The following PRODH2 variants were observed in gnomAD, a reference collection of about 807,000 sequenced individuals.
The protein encoded by PRODH2 is hydroxyproline dehydrogenase.
PRODH2 carries 49 observed loss-of-function variants against 51.9 expected under a neutral mutation model. The observed-to-expected ratio is 0.94, with a 90% CI of 0.75 to 1.20. The LOEUF (loss-of-function observed/expected upper bound fraction) is 1.20, where lower values mean the gene tolerates loss of function less well. Among genes scored for constraint, PRODH2 ranks in the 50% most tolerant of loss-of-function variants. PRODH2 has a pLI of 0.00. For synonymous variants in PRODH2, 249 were observed against 260.7 expected, an observed-to-expected ratio of 0.96 and a Z score of 0.43; for missense variants, 597 against 610.9, an observed-to-expected ratio of 0.98 and a Z score of 0.24.
In PRODH2 at chr19:35,812,690, C is replaced by A. The variant is rs776183593; in HGVS notation, c.116G>T (p.Arg39Leu). Reference sequence around the variant, plus strand: ...ACACAGCCGGAGAACCAGCAAGGCCCGTGTCAGCTCTCCTGTGCCCTTAAG... The same window carrying A: ...ACACAGCCGGAGAACCAGCAAGGCCAGTGTCAGCTCTCCTGTGCCCTTAAG... ...FHLKGTGELT[R>L]ALLVLRLCAW... is the part of the protein sequence containing the mutation. Residue 39 changes from arginine (R) to leucine (L), a missense_variant, in exon 1 of 10, where the codon CGG (arginine) becomes CTG (leucine). Arg to Leu is a moderately radical substitution (Grantham distance 102). Transcript: ENST00000653904. 1.2e-6 allele frequency: 2 copies of A among 1,608,238 alleles called. No homozygotes were observed. Among genetic ancestry groups the A allele is most frequent in the Non-Finnish European group, 1.7e-6 (2 of 1,176,112 alleles).
At chr19:35,809,985 A>AAAAAAAAAAG (rs1483544871) in intron 4 of PRODH2, among the ~76,000 whole-genome samples, 5 of 137,906 alleles carry the variant, frequency 3.6e-5, no homozygotes, top group Non-Finnish European at 4.6e-5. Context: ...AAAAAAAAAA[A>AAAAAAAAAAG]CGCTGGGCGT....
chr19:35,809,832 G>A (rs575015602), intron 4 of PRODH2, among the ~76,000 whole-genome samples: 4 of 150,686 alleles, frequency 2.7e-5, no homozygotes, highest in African/African-American at 4.9e-5. Flanking sequence ...GGTGGTGTGC[G>A]CCTGTAGCCC....
At chr19:35,804,084 C>G (rs534158596) in intron 7 of PRODH2, among the ~76,000 whole-genome samples, 2 of 152,316 alleles carry the variant, frequency 1.3e-5, no homozygotes, top group African/African-American at 2.4e-5. Context: ...TGACTGTGTT[C>G]TGTGTGTGGC....
rs200759159 is a variant in PRODH2, at chr19:35,812,647, G to A, written c.159C>T (p.Val53=). The part of the protein sequence containing the change: ...VLRLCAWPPL[V]THGLLLQAWS... Reference sequence around the variant, plus strand: ...CACTGCTCACCAACAGCCCGTGAGTGACGAGTGGGGGCCAGGCACACAGCC... The same window carrying A: ...CACTGCTCACCAACAGCCCGTGAGTAACGAGTGGGGGCCAGGCACACAGCC... The change falls in exon 1 of 10, where the codon GTC becomes GTT. Residue 53 remains valine, a synonymous_variant. Coordinates refer to ENST00000653904, the MANE Select transcript of PRODH2 (RefSeq NM_021232.2). 26 of 1,593,374 alleles carry A rather than the reference G, an allele frequency of 1.6e-5. No individual in the cohort carries two copies. In the African/African-American group the frequency reaches 2.7e-4, roughly 16 times the overall value.
At chr19:35,806,276 G>A (rs972278233) in intron 7 of PRODH2, among the ~76,000 whole-genome samples, 154 bp downstream of exon 7, 4 of 152,080 alleles carry the variant, frequency 2.6e-5, no homozygotes, top group Middle Eastern at 3.4e-3. Context: ...TAGAGATGGG[G>A]TCTCCCTGTG....
chr19:35,810,836 A>G (rs912870387), intron 4 of PRODH2, among the ~76,000 whole-genome samples: 3 of 152,134 alleles, frequency 2.0e-5, no homozygotes, highest in Admixed American at 2.0e-4. Flanking sequence ...CTAAATCTTG[A>G]TAGGGATTTG....
chr19:35,811,377 A>G (rs1398728928), intron 4 of PRODH2, among the ~76,000 whole-genome samples: 1 of 147,612 alleles, frequency 6.8e-6, no homozygotes, highest in African/African-American at 2.5e-5. Flanking sequence ...ATACAGTAAG[A>G]CAAAGAGAAA....
intron 7 of PRODH2, among the ~76,000 whole-genome samples, chr19:35,805,767 A>ACT (rs1267069711): frequency 4.6e-5 from 7 of 152,198 alleles, no homozygotes; most frequent in African/African-American, 1.7e-4. Context: ...CAGATCTTGG[A>ACT]CATGAGCCTG....
chr19:35,809,427 C>T (rs148972441), intron 4 of PRODH2, among the ~76,000 whole-genome samples: 1 of 152,256 alleles, frequency 6.6e-6, no homozygotes, highest in African/African-American at 2.4e-5. Context: ...CTATGTTGCC[C>T]AGGCAGGTCT....
rs138591045 is a variant in PRODH2, at chr19:35,812,761, G to A, written c.45C>T (p.Pro15=). 1,728 of 1,608,832 alleles carry A rather than the reference G, an allele frequency of 1.1e-3. 5 individuals are homozygous for A. The highest frequency in any genetic ancestry group is 1.3e-3 in the Non-Finnish European group (1,547 of 1,176,752). Residue 15 remains proline, a synonymous_variant, in exon 1 of 10, where the codon CCC becomes CCT. Transcript: ENST00000653904. ...CYVLCSQAGP[P]SRGWQSLSFD... is the part of the protein sequence containing the mutation. ...AGCTCAGGGACTGCCAGCCCCTGGA[G>A]GGGGGACCAGCTTGGGAACAGAGCA...
At chr19:35,810,802 T>A (rs1255438926) in intron 4 of PRODH2, among the ~76,000 whole-genome samples, 1 of 152,216 alleles carries the variant, frequency 6.6e-6, no homozygotes, top group Admixed American at 6.5e-5. Context: ...ATTACAGGCG[T>A]GAGCCACTGC....
Position 35,802,186 on chromosome 19 carries a change from C to G in PRODH2, c.1198+5G>C. 6.2e-7 allele frequency: 1 copy of G among 1,613,764 alleles called. No homozygotes were observed. The highest frequency in any genetic ancestry group is 8.5e-7 in the Non-Finnish European group (1 of 1,179,760). On this transcript the variant is annotated splice_donor_5th_base_variant and intron_variant, in intron 9 of 9. Coordinates refer to ENST00000653904, the MANE Select transcript of PRODH2 (RefSeq NM_021232.2). ...TTGATGGGGGTGGGGGAGCCATTCA[C>G]ATACCCAGTGCTAGAGAGACGTGGT...
chr19:35,803,622 G>A (rs1423045358), intron 7 of PRODH2, among the ~76,000 whole-genome samples: 2 of 152,206 alleles, frequency 1.3e-5, no homozygotes, highest in Non-Finnish European at 2.9e-5. Context: ...GAGATAAGGG[G>A]GATATGAAGT....
chr19:35,805,382 T>C (rs1972496067), intron 7 of PRODH2, among the ~76,000 whole-genome samples: 1 of 152,130 alleles, frequency 6.6e-6, no homozygotes, highest in South Asian at 2.1e-4. Context: ...TTCTCCTTCC[T>C]CAGCCTCCCA....
chr19:35,807,129 G>A lies in PRODH2; in HGVS notation c.598-8C>T, dbSNP rs867257352. 33 of 1,546,662 alleles carry A rather than the reference G, an allele frequency of 2.1e-5. 1 individual carries two copies. The Middle Eastern group carries it at 4.6e-3, about 213-fold the overall frequency. ...GCAGGAGACCTGGAGGTTCTAGGGG[G>A]CAGCAGGGGAAGTGGGGAAAAGCTT... is the stretch of plus-strand genomic sequence containing the variant. On this transcript the variant is annotated splice_region_variant and splice_polypyrimidine_tract_variant and intron_variant, in intron 4 of 9. Transcript: ENST00000653904.
At chr19:35,800,404 A>G (rs570520012) in intron 9 of PRODH2, among the ~76,000 whole-genome samples, 182 bp from the exon 10 acceptor site, 20 of 152,082 alleles carry the variant, frequency 1.3e-4, no homozygotes, top group Non-Finnish European at 2.5e-4. Flanking sequence ...GCTTGCCACG[A>G]CGCCCGGCTC....
chr19:35,812,561 G>A lies in PRODH2; in HGVS notation c.175-5C>T, dbSNP rs369858918. 1.2e-6 allele frequency: 2 copies of A among 1,612,934 alleles called. No homozygotes were observed. Among genetic ancestry groups the A allele is most frequent in the African/African-American group, 2.7e-5 (2 of 74,922 alleles). Reference sequence around the variant, plus strand: ...TCGCCGAGACCAGGCCTGGAGCTGGGTGACAGGGAGCGAGGGCTCAGCGCC... The same window carrying A: ...TCGCCGAGACCAGGCCTGGAGCTGGATGACAGGGAGCGAGGGCTCAGCGCC... On this transcript the variant is annotated splice_region_variant and splice_polypyrimidine_tract_variant and intron_variant, in intron 1 of 9. Transcript: ENST00000653904.
At chr19:35,800,914 G>C (rs1348830593) in intron 9 of PRODH2, among the ~76,000 whole-genome samples, 1 of 152,076 alleles carries the variant, frequency 6.6e-6, no homozygotes, top group African/African-American at 2.4e-5. Flanking sequence ...TTTTGAGACA[G>C]AGTCTTGGTC....
chr19:35,804,898 T>G (rs1972487944), intron 7 of PRODH2, among the ~76,000 whole-genome samples: 1 of 152,164 alleles, frequency 6.6e-6, no homozygotes. Flanking sequence ...ATCGCACCAC[T>G]GCACTCCAGC....
Sources: gnomAD v4.1 joint callset for allele counts (sites outside exome capture counted in the v4.1 genomes callset) on GRCh38, gnomAD v4.1.1 for gene constraint, MANE v1.5 for transcripts, NCBI Gene and HGNC (gene_info 2026-07-23, HGNC 2026-07-21) for gene names.